The following EPHA6 variants were observed in gnomAD, a reference collection of about 807,000 sequenced individuals.
The protein encoded by EPHA6 is ephrin type-A receptor 6.
Under a neutral mutation model 112.0 loss-of-function variants are expected in EPHA6, and 50 were observed. The ratio of observed to expected loss-of-function variants is 0.45; its 90% CI spans 0.36 to 0.56. The LOEUF (loss-of-function observed/expected upper bound fraction) is 0.56, where lower values mean the gene tolerates loss of function less well. Ranked by LOEUF, EPHA6 falls within the 20% of genes least tolerant of loss-of-function variation. The pLI is 0.00. For missense variants in EPHA6, 1,280 were observed against 1,417.4 expected, an observed-to-expected ratio of 0.90 and a Z score of 1.56; for synonymous variants, 529 against 490.7, an observed-to-expected ratio of 1.08 and a Z score of -1.03.
intron 3 of EPHA6, among the ~76,000 whole-genome samples, chr3:97,066,083 T>C (rs2046168567): frequency 6.6e-6 from 1 of 152,092 alleles, no homozygotes. Context: ...ATTTGTTGAA[T>C]GAATTAATGA....
intron 5 of EPHA6, among the ~76,000 whole-genome samples, chr3:97,361,815 T>C (rs1406287529): frequency 1.3e-5 from 2 of 152,174 alleles, no homozygotes. Context: ...ACTGCCACTT[T>C]GGGGATTAAA....
At chr3:97,397,221 C>T (rs2086742637) in intron 5 of EPHA6, among the ~76,000 whole-genome samples, 1 of 151,318 alleles carries the variant, frequency 6.6e-6, no homozygotes, top group Admixed American at 6.6e-5. Context: ...TATTTTCTTG[C>T]TTTTTTTTCC....
intron 3 of EPHA6, among the ~76,000 whole-genome samples, chr3:97,187,638 AAAAG>A (rs1236133331): frequency 6.0e-5 from 9 of 148,812 alleles, no homozygotes; most frequent in East Asian, 1.9e-4. Flanking sequence ...GGAAGAAAGA[AAAAG>A]AGAGAGAGAA....
At position 97,475,425 on chromosome 3, in the gene EPHA6, C is replaced by T. The variant is rs374284939; in HGVS notation, c.1968C>T (p.Leu656=). The change falls in exon 8 of 18, where the codon CTC becomes CTT. Residue 656 remains leucine (L), a synonymous_variant. Coordinates refer to ENST00000389672, the MANE Select transcript of EPHA6 (RefSeq NM_001080448.3). The stretch of plus-strand genomic sequence containing the variant: ...CCGCTGTTGGCGGATTCACTCTCCT[C>T]GTCATCCTCACTTTATTCTTCTTGA... ...ATAAVGGFTL[L]VILTLFFLIT... The T allele has an allele frequency of 8.7e-6, 14 of 1,611,984 alleles. No individual in the cohort carries two copies. Among genetic ancestry groups the T allele is most frequent in the Admixed American group, 5.0e-5 (3 of 59,712 alleles).
intron 14 of EPHA6, among the ~76,000 whole-genome samples, chr3:97,650,267 G>A (rs1305138815): frequency 6.6e-6 from 1 of 152,084 alleles, no homozygotes; most frequent in Non-Finnish European, 1.5e-5. Flanking sequence ...ACTTGTCTGG[G>A]ATGGTAGTTT....
chr3:97,278,910 A>T (rs1406629747), intron 5 of EPHA6, among the ~76,000 whole-genome samples: 1 of 152,254 alleles, frequency 6.6e-6, no homozygotes, highest in Non-Finnish European at 1.5e-5. Flanking sequence ...CTTAGGCAGG[A>T]CAAAAACACA....
At chr3:97,165,316 G>T (rs1231644556) in intron 3 of EPHA6, among the ~76,000 whole-genome samples, 2 of 152,032 alleles carry the variant, frequency 1.3e-5, no homozygotes, top group Non-Finnish European at 2.9e-5. Context: ...TCAGGGACTT[G>T]TAACATATAT....
chr3:96,923,434 G>A (rs2039876372), intron 2 of EPHA6, among the ~76,000 whole-genome samples: 1 of 151,602 alleles, frequency 6.6e-6, no homozygotes, highest in Admixed American at 6.6e-5. Flanking sequence ...CTGCATGCAT[G>A]TCTTCTTTTG....
chr3:96,936,816 G>A (rs1180185532), intron 2 of EPHA6, among the ~76,000 whole-genome samples: 1 of 151,956 alleles, frequency 6.6e-6, no homozygotes, highest in Non-Finnish European at 1.5e-5. Context: ...GTGTCCATGT[G>A]TTCTCACTGT....
At chr3:97,549,752 G>A (rs1368575561) in intron 11 of EPHA6, among the ~76,000 whole-genome samples, 2 of 152,090 alleles carry the variant, frequency 1.3e-5, no homozygotes, top group African/African-American at 4.8e-5. Context: ...AGAGGTAGCA[G>A]TGAGCCGAGC....
intron 14 of EPHA6, among the ~76,000 whole-genome samples, chr3:97,704,078 CTTT>C (rs1173908945): frequency 3.3e-5 from 5 of 152,122 alleles, no homozygotes; most frequent in Middle Eastern, 6.8e-3. Context: ...AAGTGGATTG[CTTT>C]TTAAATATGG....
intron 3 of EPHA6, among the ~76,000 whole-genome samples, chr3:97,016,445 A>C (rs2044269013): frequency 6.6e-6 from 1 of 152,188 alleles, no homozygotes. Context: ...TAAATTAAAT[A>C]TAAAAAGTTC....
At chr3:96,947,772 T>C (rs973755700) in intron 2 of EPHA6, among the ~76,000 whole-genome samples, 3 of 152,152 alleles carry the variant, frequency 2.0e-5, no homozygotes, top group Admixed American at 6.5e-5. Context: ...TGGAAGAACA[T>C]TCCATGCTCA....
chr3:97,054,134 G>C (rs2045774895), intron 3 of EPHA6, among the ~76,000 whole-genome samples: 1 of 150,152 alleles, frequency 6.7e-6, no homozygotes, highest in Non-Finnish European at 1.5e-5. Context: ...ATGTTACAAG[G>C]AAAGCAGCAG....
At chr3:96,865,371 T>C (rs2036244449) in intron 1 of EPHA6, among the ~76,000 whole-genome samples, 1 of 151,946 alleles carries the variant, frequency 6.6e-6, no homozygotes, top group Non-Finnish European at 1.5e-5. Flanking sequence ...CACAATTGCA[T>C]TTTAAAAAAT....
chr3:97,463,421 A>G (rs1021820960), intron 7 of EPHA6, among the ~76,000 whole-genome samples: 1 of 152,192 alleles, frequency 6.6e-6, no homozygotes, highest in African/African-American at 2.4e-5. Context: ...AATGTTTAAT[A>G]GGTTAGAACT....
intron 5 of EPHA6, among the ~76,000 whole-genome samples, chr3:97,288,501 C>G (rs941426219): frequency 6.6e-6 from 1 of 152,140 alleles, no homozygotes; most frequent in Non-Finnish European, 1.5e-5. Context: ...AGCACCCAAG[C>G]TGATACCTTA....
At chr3:97,323,168 G>A (rs2082200967) in intron 5 of EPHA6, among the ~76,000 whole-genome samples, 1 of 151,414 alleles carries the variant, frequency 6.6e-6, no homozygotes. Flanking sequence ...CAAGATATAT[G>A]TTTCATATGT....
Position 97,758,836 on chromosome 3 carries a change from A to G in EPHA6, c.*10135A>G, listed in dbSNP as rs2036087461. Among the ~76,000 whole-genome samples, 1 of 151,916 alleles carries G rather than the reference A, an allele frequency of 6.6e-6. No homozygotes were observed. The highest frequency in any genetic ancestry group is 1.5e-5 in the Non-Finnish European group (1 of 67,860). On this transcript the variant is annotated 3_prime_UTR_variant, in exon 18 of 18. Transcript: ENST00000389672. ...ACAAGCAGAGGGGGATAGTTAATGA[A>G]TGAAAATTTGGAGTGTTGGAGAGTA...
Sources: allele counts gnomAD v4.1 joint callset (sites outside exome capture counted in the v4.1 genomes callset), GRCh38; gene constraint gnomAD v4.1.1; transcripts MANE v1.5; gene names NCBI Gene and HGNC (gene_info 2026-07-23, HGNC 2026-07-21).